The following C12orf42 variants were observed in gnomAD, a reference collection of about 807,000 sequenced individuals.
C12orf42 encodes the protein chromosome 12 open reading frame 42, also known as uncharacterized protein C12orf42.
A neutral mutation model predicts 21.6 loss-of-function variants in C12orf42; 25 were observed. The ratio of observed to expected loss-of-function variants is 1.16; its 90% CI spans 0.84 to 1.62. The LOEUF (loss-of-function observed/expected upper bound fraction) is 1.62, where lower values mean the gene tolerates loss of function less well. Ranked by LOEUF, C12orf42 falls within the 40% of genes most tolerant of loss-of-function variation. C12orf42 has a pLI of 0.00. For synonymous variants in C12orf42, 174 were observed against 175.0 expected (o/e 0.99, Z 0.05); for missense variants, 483 against 459.3 (o/e 1.05, Z -0.47).
At chr12:103,104,668 T>C in the C12orf42 span, among the ~76,000 whole-genome samples, 2 of 152,234 alleles carry the variant, frequency 1.3e-5, no homozygotes, top group Non-Finnish European at 2.9e-5. Context: ...CTCAATCTCC[T>C]GACCTCATGA....
At chr12:103,065,711 T>G in the C12orf42 span, among the ~76,000 whole-genome samples, 1 of 152,206 alleles carries the variant, frequency 6.6e-6, no homozygotes, top group Non-Finnish European at 1.5e-5. Context: ...GGCCCAGTGG[T>G]GTGGAGCCTG....
At chr12:103,103,275 T>C in the C12orf42 span, among the ~76,000 whole-genome samples, 3 of 152,196 alleles carry the variant, frequency 2.0e-5, no homozygotes, top group Non-Finnish European at 4.4e-5. Flanking sequence ...CTCCAACCCA[T>C]CTTCCCTGAA....
At chr12:103,220,558 G>C in the C12orf42 span, among the ~76,000 whole-genome samples, 1 of 152,042 alleles carries the variant, frequency 6.6e-6, no homozygotes, top group Non-Finnish European at 1.5e-5. Flanking sequence ...AATAGCGTTC[G>C]TGAGAAAATC....
the C12orf42 span, among the ~76,000 whole-genome samples, chr12:103,552,754 A>T: frequency 6.6e-6 from 1 of 152,192 alleles, no homozygotes; most frequent in African/African-American, 2.4e-5. Flanking sequence ...TCACACTGCT[A>T]TAAAGACATA....
chr12:103,201,461 G>A, the C12orf42 span, among the ~76,000 whole-genome samples: 2 of 152,084 alleles, frequency 1.3e-5, no homozygotes, highest in African/African-American at 4.8e-5. Flanking sequence ...ATGGTTCATT[G>A]TTGTTGCATA....
At chr12:103,130,947 A>G in the C12orf42 span, among the ~76,000 whole-genome samples, 5 of 152,214 alleles carry the variant, frequency 3.3e-5, no homozygotes, top group Non-Finnish European at 5.9e-5. Flanking sequence ...ACGTATACCC[A>G]CACAAACACC....
At chr12:103,238,066 C>A (rs2136157061) in intron 10 of C12orf42, among the ~76,000 whole-genome samples, 1 of 152,196 alleles carries the variant, frequency 6.6e-6, no homozygotes, top group Middle Eastern at 3.4e-3. Flanking sequence ...AATCTGCACC[C>A]TAGAGTAGAG....
the C12orf42 span, among the ~76,000 whole-genome samples, chr12:103,196,702 G>T: frequency 4.0e-5 from 6 of 151,868 alleles, no homozygotes; most frequent in South Asian, 1.2e-3. Flanking sequence ...AGTCATTGTT[G>T]GTTTAAAGTC....
chr12:103,440,737 A>C (rs1184056489), intron 2 of C12orf42, among the ~76,000 whole-genome samples: 2 of 152,162 alleles, frequency 1.3e-5, no homozygotes, highest in Non-Finnish European at 2.9e-5. Context: ...ATTTCAAATG[A>C]GGTACAACAC....
the C12orf42 span, among the ~76,000 whole-genome samples, chr12:103,540,042 C>T: frequency 1.2e-4 from 17 of 142,922 alleles, no homozygotes; most frequent in African/African-American, 4.0e-4. Flanking sequence ...GACAGTCTTG[C>T]TTTGTCACCC....
At chr12:103,393,257 T>C (rs1397782824) in intron 3 of C12orf42, among the ~76,000 whole-genome samples, 1 of 152,076 alleles carries the variant, frequency 6.6e-6, no homozygotes, top group Non-Finnish European at 1.5e-5. Flanking sequence ...CTTCTAAGCT[T>C]ACAGTCATGA....
intron 2 of C12orf42, among the ~76,000 whole-genome samples, chr12:103,453,223 T>G (rs1483023906): frequency 6.6e-6 from 1 of 151,910 alleles, no homozygotes; most frequent in Non-Finnish European, 1.5e-5. Flanking sequence ...GGTTTTCTAT[T>G]TCTTCTTAGA....
At chr12:103,201,483 G>T in the C12orf42 span, among the ~76,000 whole-genome samples, 6 of 151,984 alleles carry the variant, frequency 3.9e-5, no homozygotes, top group Admixed American at 3.9e-4. Context: ...AATAAGAGAA[G>T]ACAACACTTC....
intron 2 of C12orf42, among the ~76,000 whole-genome samples, chr12:103,467,657 G>A (rs183478058): frequency 6.6e-6 from 1 of 152,310 alleles, no homozygotes. Flanking sequence ...GAGGACTTTA[G>A]AGGACTGGAC....
intron 10 of C12orf42, among the ~76,000 whole-genome samples, chr12:103,257,019 A>G (rs779093039): frequency 1.3e-5 from 2 of 152,302 alleles, no homozygotes; most frequent in Non-Finnish European, 2.9e-5. Context: ...TACACCATGA[A>G]ATATTATACA....
chr12:103,264,230 G>GGAGGATTCT (rs2035052385), downstream of C12orf42, among the ~76,000 whole-genome samples: 2 of 152,142 alleles, frequency 1.3e-5, no homozygotes, highest in African/African-American at 2.4e-5. Flanking sequence ...CCTCCACTTA[G>GGAGGATTCT]AAGATTAGCC....
At chr12:103,065,754 C>T in the C12orf42 span, among the ~76,000 whole-genome samples, 49 of 152,314 alleles carry the variant, frequency 3.2e-4, no homozygotes, top group Non-Finnish European at 4.1e-4. Context: ...AAGGATAAGT[C>T]GCTGCATTTG....
At chr12:103,310,101 G>T (rs2038818795) in intron 4 of C12orf42, among the ~76,000 whole-genome samples, 1 of 152,236 alleles carries the variant, frequency 6.6e-6, no homozygotes, top group Non-Finnish European at 1.5e-5. Flanking sequence ...CAGTGTTGGA[G>T]GTGGGCCCTG....
intron 4 of C12orf42, among the ~76,000 whole-genome samples, chr12:103,295,782 T>C (rs2037229165): frequency 6.6e-6 from 1 of 152,202 alleles, no homozygotes; most frequent in African/African-American, 2.4e-5. Flanking sequence ...CTCTTACTTT[T>C]CAAAATGCTT....
Sources: gnomAD v4.1 joint callset for allele counts (sites outside exome capture counted in the v4.1 genomes callset) on GRCh38, gnomAD v4.1.1 for gene constraint, MANE v1.5 for transcripts, NCBI Gene and HGNC (gene_info 2026-07-23, HGNC 2026-07-21) for gene names.